Variants in ZNF641 observed in about 807,000 individuals in gnomAD.
The protein encoded by ZNF641 is zinc finger protein 641.
Under a neutral mutation model 46.2 loss-of-function variants are expected in ZNF641, and 26 were observed. The ratio of observed to expected loss-of-function variants is 0.56; its 90% confidence interval spans 0.41 to 0.78. The LOEUF is 0.78. Among genes scored for constraint, ZNF641 ranks in the 30% least tolerant of loss-of-function variants. The pLI, the probability that ZNF641 is intolerant of heterozygous loss-of-function variation, is 0.00. For synonymous variants in ZNF641, 163 were observed against 187.9 expected (o/e 0.87, Z 1.09); for missense variants, 469 against 517.8 (o/e 0.91, Z 0.91).
chr12:48,350,688 T>C, intron 1 of ZNF641, 98 bp downstream of exon 1: 1 of 336,888 alleles, frequency 3.0e-6, no homozygotes, highest in Non-Finnish European at 4.2e-6. Context: ...CCGATCCTCC[T>C]CCCAGCCCCT....
In ZNF641 at chr12:48,342,396, C is replaced by G; in HGVS notation, c.*577G>C. 1.0e-6 allele frequency: 1 copy of G among 985,976 alleles called. No homozygotes were observed. The highest frequency in any genetic ancestry group is 1.2e-6 in the Non-Finnish European group (1 of 830,366). The allele number at this position is 985,976 out of a possible 1,614,324, so 61.1% of individuals were successfully genotyped here. On this transcript the variant is annotated 3_prime_UTR_variant, in exon 6 of 6. Coordinates refer to ENST00000547026, the MANE Select transcript of ZNF641 (RefSeq NM_001172681.2). ...GGCTCTGGATGCCTGATCACTATCT[C>G]TTGTTTCCTTGTTACTCTCTAACCC... is the stretch of plus-strand genomic sequence containing the variant.
chr12:48,344,686 G>C lies in ZNF641; in HGVS notation c.433C>G (p.Leu145Val). Reference sequence around the variant, plus strand: ...TCTTCTCCTCCTTCTAGTTGAGAAAGCATGTCCAGTTTGGGAATTGGAAAT... The same window carrying C: ...TCTTCTCCTCCTTCTAGTTGAGAAACCATGTCCAGTTTGGGAATTGGAAAT... Reference protein sequence around the residue: ...LRFPIPKLDMLSQLEGGEEQW... With the variant: ...LRFPIPKLDMVSQLEGGEEQW... The change falls in exon 5 of 6, where the codon CTT becomes GTT. Residue 145 changes from leucine (L) to valine (V), a missense_variant. Leu to Val is a conservative substitution (Grantham distance 32, BLOSUM62 1). Transcript: ENST00000547026. 6.2e-7 allele frequency: 1 copy of C among 1,611,868 alleles called. No homozygotes were observed. The highest frequency in any genetic ancestry group is 1.1e-5 in the South Asian group (1 of 90,512).
rs1952670380 is a variant in ZNF641, at chr12:48,339,403, A to AGCTCC, written c.*3569_*3570insGGAGC. On this transcript the variant is annotated 3_prime_UTR_variant, in exon 6 of 6. Transcript: ENST00000547026. ...CGTTGAGCTCCTTCCCGAGTTTCTG[A>AGCTCC]TTCAGTAGTTCTCCTGGGGCGGGGG... 6.6e-6 allele frequency: 1 copy of AGCTCC among 152,160 alleles called. No individual in the cohort carries two copies. The highest frequency in any genetic ancestry group is 2.4e-5 in the African/African-American group (1 of 41,432). 9.4% of individuals were successfully genotyped at this position (152,160 alleles called of 1,614,324 possible). A position where few individuals can be genotyped will look rare whatever the true frequency, so the allele number is the denominator to read the frequency against.
rs1565994951 is a variant in ZNF641, at chr12:48,347,968, T to C, written c.123A>G (p.Pro41=). The change falls in exon 2 of 6, where the codon CCA becomes CCG. Residue 41 remains proline (P), a synonymous_variant. Transcript: ENST00000547026. ...SQEERPWRTV[P]GPLEHLCCDL... ...CACAGCACAGGTGCTCCAGAGGTCC[T>C]GGTACTGTTCTCCATGGCCGCTCTT... is the stretch of plus-strand genomic sequence containing the variant. The C allele has an allele frequency of 1.2e-6, 2 of 1,614,178 alleles. No homozygotes were observed. The highest frequency in any genetic ancestry group is 1.7e-6 in the Non-Finnish European group (2 of 1,180,028).
At position 48,350,230 on chromosome 12, in the gene ZNF641, A is replaced by C. The variant is rs780742641; in HGVS notation, c.-26+556T>G. 1.6e-4 allele frequency: 231 copies of C among 1,473,442 alleles called. 1 individual carries two copies. Among genetic ancestry groups the C allele is most frequent in the Non-Finnish European group, 2.0e-4 (220 of 1,114,514 alleles). The allele number at this position is 1,473,442 out of a possible 1,614,324, so 91.3% of individuals were successfully genotyped here. A position where few individuals can be genotyped will look rare whatever the true frequency, so the allele number is the denominator to read the frequency against. On this transcript the variant is annotated intron_variant, in intron 1 of 5. Coordinates refer to ENST00000547026, the MANE Select transcript of ZNF641 (RefSeq NM_001172681.2). ...GGGTAGCAAGGGACCTGCAAAAGGAAGTTTCTGCAGCCAGTGCTGATGAAC... is the reference window on the plus strand; with the variant it reads ...GGGTAGCAAGGGACCTGCAAAAGGACGTTTCTGCAGCCAGTGCTGATGAAC...
rs761158756 is a variant in ZNF641 at position 48,342,944 on chromosome 12, C to G, written c.*29G>C. 5.1e-6 allele frequency: 8 copies of G among 1,577,080 alleles called. No homozygotes were observed. In the Admixed American group the frequency reaches 1.4e-4, roughly 28 times the overall value. ...ACTCCTGGTAGCACCGGCTGATAGA[C>G]TTGACCATAGCTGTAGTGGAAACAG... is the stretch of plus-strand genomic sequence containing the variant. On this transcript the variant is annotated 3_prime_UTR_variant, in exon 6 of 6. Coordinates refer to ENST00000547026, the MANE Select transcript of ZNF641 (RefSeq NM_001172681.2).
At position 48,341,985 on chromosome 12, in the gene ZNF641, C is replaced by A; in HGVS notation, c.*988G>T. On this transcript the variant is annotated 3_prime_UTR_variant, in exon 6 of 6. Transcript: ENST00000547026. The stretch of plus-strand genomic sequence containing the variant: ...ATCCCCACTACCCTCATCCCCAGAA[C>A]ACAGCCCCTAGAAAACCTAGCTTGT... The A allele has an allele frequency of 2.0e-6, 2 of 985,470 alleles. No homozygotes were observed. The highest frequency in any genetic ancestry group is 2.4e-6 in the Non-Finnish European group (2 of 829,982). 61.0% of individuals were successfully genotyped at this position (985,470 alleles called of 1,614,324 possible). A position where few individuals can be genotyped will look rare whatever the true frequency, so the allele number is the denominator to read the frequency against.
chr12:48,350,118 C>T, intron 1 of ZNF641: 3 of 1,613,590 alleles, frequency 1.9e-6, no homozygotes, highest in Middle Eastern at 1.7e-4. Context: ...GTAGCCCTAA[C>T]CTCGTTTCTC....
rs1952781228 is a variant in ZNF641 at position 48,343,614 on chromosome 12, A to C, written c.634T>G (p.Trp212Gly). ...CTGGAGCTGCTGGGCATGGAATCCC[A>C]GCTCTCATCATGCTCCGGGTTCCAG... is the stretch of plus-strand genomic sequence containing the variant. ...VLWNPEHDES[W>G]DSMPSSSRGM... Residue 212 changes from tryptophan to glycine, a missense_variant, in exon 6 of 6, where the codon TGG becomes GGG. Physicochemically the swap from Trp to Gly is radical, Grantham distance 184. Transcript: ENST00000547026. 1 of 1,602,548 alleles carries C rather than the reference A, an allele frequency of 6.2e-7. No homozygotes were observed. Among genetic ancestry groups the C allele is most frequent in the Non-Finnish European group, 8.5e-7 (1 of 1,174,152 alleles).
chr12:48,335,111 A>G (rs1399722085), downstream of ZNF641, among the ~76,000 whole-genome samples: 1 of 152,210 alleles, frequency 6.6e-6, no homozygotes, highest in African/African-American at 2.4e-5. Context: ...CCCTGGGGGA[A>G]CTTTACCCCT....
chr12:48,350,420 G>A, intron 1 of ZNF641: 1 of 294,090 alleles, frequency 3.4e-6, no homozygotes, highest in African/African-American at 2.1e-5. Context: ...CAGTGCCCCT[G>A]GAAAGGGTCA....
intron 3 of ZNF641, among the ~76,000 whole-genome samples, chr12:48,346,616 A>G (rs1952879255): frequency 6.6e-6 from 1 of 152,136 alleles, no homozygotes; most frequent in Non-Finnish European, 1.5e-5. Flanking sequence ...AGCTTTCTTC[A>G]GGTCCTCTTT....
Position 48,341,267 on chromosome 12 carries a change from A to C in ZNF641, c.*1706T>G. On this transcript the variant is annotated 3_prime_UTR_variant, in exon 6 of 6. Coordinates refer to ENST00000547026, the MANE Select transcript of ZNF641 (RefSeq NM_001172681.2). ...TTGAGAAACACATCTTAGGGAAGAA[A>C]CAGTATCTAAGCATTAAAGAGAAAA... 1 of 985,456 alleles carries C rather than the reference A, an allele frequency of 1.0e-6. No homozygotes were observed. The highest frequency in any genetic ancestry group is 1.2e-6 in the Non-Finnish European group (1 of 829,938). 61.0% of individuals were successfully genotyped at this position (985,456 alleles called of 1,614,324 possible). A position where few individuals can be genotyped will look rare whatever the true frequency, so the allele number is the denominator to read the frequency against.
At chr12:48,347,419 G>T in intron 2 of ZNF641, 76 bp from the exon 3 acceptor site, 1 of 1,329,164 alleles carries the variant, frequency 7.5e-7, no homozygotes, top group Non-Finnish European at 1.0e-6. Context: ...CCATTTTAGA[G>T]AGGCTTAAGG....
chr12:48,347,139 A>G (rs1469312833), intron 3 of ZNF641, 113 bp downstream of exon 3: 1 of 1,570,540 alleles, frequency 6.4e-7, no homozygotes, highest in South Asian at 1.2e-5. Context: ...CAGTTATAAG[A>G]TGAACATACC....
Position 48,342,366 on chromosome 12 carries a change from AAG to A in ZNF641, c.*605_*606del. The A allele has an allele frequency of 1.0e-6, 1 of 985,756 alleles. No individual in the cohort carries two copies. Among genetic ancestry groups the A allele is most frequent in the Non-Finnish European group, 1.2e-6 (1 of 830,206 alleles). 61.1% of individuals were successfully genotyped at this position (985,756 alleles called of 1,614,324 possible). ...CCCCCTGGCTTTCATATGGATAAAA[AAG>A]GGGGCTCTGGATGCCTGATCACTAT... On this transcript the variant is annotated 3_prime_UTR_variant, in exon 6 of 6. Coordinates refer to ENST00000547026, the MANE Select transcript of ZNF641 (RefSeq NM_001172681.2).
chr12:48,345,220 G>T, intron 4 of ZNF641, 125 bp downstream of exon 4: 1 of 1,051,360 alleles, frequency 9.5e-7, no homozygotes, highest in African/African-American at 1.6e-5. Flanking sequence ...TTTCTCCAGC[G>T]GAAGCATAGA....
chr12:48,341,427 A>T lies in ZNF641; in HGVS notation c.*1546T>A. 1 of 985,474 alleles carries T rather than the reference A, an allele frequency of 1.0e-6. No homozygotes were observed. Among genetic ancestry groups the T allele is most frequent in the Non-Finnish European group, 1.2e-6 (1 of 829,928 alleles). 61.0% of individuals were successfully genotyped at this position (985,474 alleles called of 1,614,324 possible). On this transcript the variant is annotated 3_prime_UTR_variant, in exon 6 of 6. Transcript: ENST00000547026. ...GACCAACTCATTAGCTAACGATGCT[A>T]GAATACTTATGCAAGCCCTAGAGTT...
downstream of ZNF641, among the ~76,000 whole-genome samples, chr12:48,336,617 C>T (rs1277351098): frequency 1.3e-5 from 2 of 152,202 alleles, no homozygotes; most frequent in Non-Finnish European, 2.9e-5. Flanking sequence ...GACCCTACCT[C>T]CACACCTGCT....
Sources: allele counts gnomAD v4.1 joint callset (sites outside exome capture counted in the v4.1 genomes callset), GRCh38; gene constraint gnomAD v4.1.1; transcripts MANE v1.5; gene names NCBI Gene and HGNC (gene_info 2026-07-23, HGNC 2026-07-21).